Variants in WDFY3 observed in about 807,000 individuals in gnomAD.
The protein encoded by WDFY3 is WD repeat and FYVE domain-containing protein 3.
A neutral mutation model predicts 409.6 loss-of-function variants in WDFY3; 66 were observed. The ratio of observed to expected loss-of-function variants is 0.16; its 90% CI spans 0.13 to 0.20. The LOEUF is 0.20. Ranked by LOEUF, WDFY3 falls within the 10% of genes least tolerant of loss-of-function variation. WDFY3 has a pLI of 1.00. For missense variants in WDFY3, 3,031 were observed against 4,298.1 expected (o/e 0.71, Z 8.24); for synonymous variants, 1,521 against 1,537.1 (o/e 0.99, Z 0.25).
In WDFY3 at chr4:84,827,549, A is replaced by C. The variant is rs539732260; in HGVS notation, c.957-568T>G. ...TGGCATAATGCAAAAAGCACTAATA[A>C]ATAAAATCTTGTCTACAAGATTTGG... is the stretch of plus-strand genomic sequence containing the variant. On this transcript the variant is annotated intron_variant, in intron 9 of 67. Coordinates refer to ENST00000295888, the MANE Select transcript of WDFY3 (RefSeq NM_014991.6). Among the ~76,000 whole-genome samples the C allele has an allele frequency of 3.3e-5, 5 of 152,306 alleles. No homozygotes were observed. The South Asian group carries it at 1.0e-3, about 32-fold the overall frequency.
At chr4:84,869,428 C>T (rs1761876962) in intron 3 of WDFY3, among the ~76,000 whole-genome samples, 1 of 152,170 alleles carries the variant, frequency 6.6e-6, no homozygotes, top group Non-Finnish European at 1.5e-5. Flanking sequence ...AACCCAGCCA[C>T]ATCATTTCTT....
intron 1 of WDFY3, among the ~76,000 whole-genome samples, chr4:84,937,978 T>G (rs1002956402): frequency 1.3e-5 from 2 of 152,184 alleles, no homozygotes; most frequent in African/African-American, 4.8e-5. Flanking sequence ...AATTTATAAA[T>G]TAGGCATAGT....
chr4:84,755,454 C>T, intron 33 of WDFY3, 54 bp from the exon 34 acceptor site: 1 of 1,561,440 alleles, frequency 6.4e-7, no homozygotes, highest in Non-Finnish European at 8.6e-7. Context: ...TCAGTAGAGA[C>T]CCTCATAAGT....
intron 2 of WDFY3, among the ~76,000 whole-genome samples, chr4:84,906,941 G>C (rs1767122852): frequency 6.6e-6 from 1 of 151,946 alleles, no homozygotes; most frequent in African/African-American, 2.4e-5. Flanking sequence ...TAAATCCTAT[G>C]TAAATTTTTG....
intron 4 of WDFY3, among the ~76,000 whole-genome samples, chr4:84,850,368 G>C (rs1469943876): frequency 6.6e-6 from 1 of 152,066 alleles, no homozygotes; most frequent in African/African-American, 2.4e-5. Flanking sequence ...GCCTAGGCTG[G>C]AGTGTAGTGG....
At chr4:84,962,675 CTTTT>C (rs373118403) in intron 1 of WDFY3, among the ~76,000 whole-genome samples, 1 of 136,212 alleles carries the variant, frequency 7.3e-6, no homozygotes, top group Admixed American at 7.4e-5. Flanking sequence ...GGAGCCATTT[CTTTT>C]TTTTTTTTTT....
intron 26 of WDFY3, among the ~76,000 whole-genome samples, chr4:84,778,988 G>C (rs1411111386): frequency 6.6e-6 from 1 of 151,918 alleles, no homozygotes; most frequent in African/African-American, 2.4e-5. Flanking sequence ...AAACATCACA[G>C]CAAGAATATA....
rs1335845128 is a variant in WDFY3, at chr4:84,789,407, G to A, written c.3669+319C>T. Among the ~76,000 whole-genome samples, 5 of 152,068 alleles carry A rather than the reference G, an allele frequency of 3.3e-5. 1 individual carries two copies. Among genetic ancestry groups the A allele is most frequent in the Admixed American group, 1.3e-4 (2 of 15,272 alleles). ...GAAGTGGCAAAATAGTGTGTTCACC[G>A]TTATTTATGAATCCTTCAACTGGTT... On this transcript the variant is annotated intron_variant, in intron 22 of 67. Transcript: ENST00000295888.
chr4:84,736,731 T>G (rs1364735060), intron 41 of WDFY3, among the ~76,000 whole-genome samples: 2 of 152,176 alleles, frequency 1.3e-5, no homozygotes, highest in East Asian at 3.8e-4. Flanking sequence ...TCTATGGTAA[T>G]AAGCTATAAT....
intron 47 of WDFY3, 123 bp from the exon 48 acceptor site, chr4:84,718,693 T>G: frequency 8.3e-7 from 1 of 1,197,852 alleles, no homozygotes. Flanking sequence ...ATTGAGAAGA[T>G]TAAGCTTAGA....
intron 15 of WDFY3, among the ~76,000 whole-genome samples, chr4:84,806,762 T>C (rs940486344): frequency 1.3e-5 from 2 of 151,946 alleles, no homozygotes; most frequent in Non-Finnish European, 2.9e-5. Context: ...CACGCTGCCA[T>C]GCCCGGCCAA....
At chr4:84,752,525 C>T (rs1378897442) in intron 35 of WDFY3, among the ~76,000 whole-genome samples, 12 of 145,936 alleles carry the variant, frequency 8.2e-5, no homozygotes, top group African/African-American at 2.8e-4. Context: ...AGCGAAACCC[C>T]GTCTCAAAAA....
chr4:84,708,683 G>A (rs1475380100), intron 53 of WDFY3, among the ~76,000 whole-genome samples: 2 of 151,918 alleles, frequency 1.3e-5, no homozygotes, highest in African/African-American at 4.8e-5. Flanking sequence ...TGGGACATCT[G>A]GGGTCTGGCA....
chr4:84,669,681 A>C lies in WDFY3; in HGVS notation c.*3187T>G, dbSNP rs1218152561. Reference sequence around the variant, plus strand: ...AGAGACAAATATACAATGAACATTCAGATATCACAGACTGCACACTAGATA... The same window carrying C: ...AGAGACAAATATACAATGAACATTCCGATATCACAGACTGCACACTAGATA... On this transcript the variant is annotated 3_prime_UTR_variant, in exon 68 of 68. Transcript: ENST00000295888. 1 of 147,982 alleles carries C rather than the reference A, an allele frequency of 6.8e-6. No individual in the cohort carries two copies. The allele number at this position is 147,982 out of a possible 1,614,324, so 9.2% of individuals were successfully genotyped here.
At chr4:84,875,051 T>C (rs1366539152) in intron 3 of WDFY3, among the ~76,000 whole-genome samples, 1 of 151,886 alleles carries the variant, frequency 6.6e-6, no homozygotes, top group African/African-American at 2.4e-5. Flanking sequence ...GGGCAGATCA[T>C]GAGGTCAGGA....
intron 1 of WDFY3, among the ~76,000 whole-genome samples, chr4:84,963,044 A>G (rs1775113867): frequency 6.6e-6 from 1 of 151,484 alleles, no homozygotes; most frequent in South Asian, 2.1e-4. Context: ...TGGATTTATC[A>G]GTGTAAATAT....
At chr4:84,736,102 G>C in intron 42 of WDFY3, 68 bp downstream of exon 42, 1 of 1,452,702 alleles carries the variant, frequency 6.9e-7, no homozygotes, top group South Asian at 1.6e-5. Context: ...CCAATCAATT[G>C]CTTGTACATG....
At chr4:84,932,206 G>A (rs1378845041) in intron 2 of WDFY3, 64 bp downstream of exon 2, 1 of 152,074 alleles carries the variant, frequency 6.6e-6, no homozygotes, top group Non-Finnish European at 1.5e-5. Flanking sequence ...CAATAACGCA[G>A]CAAAGACAAT....
intron 6 of WDFY3, among the ~76,000 whole-genome samples, chr4:84,837,618 G>A (rs1013847881): frequency 2.6e-5 from 4 of 152,084 alleles, no homozygotes; most frequent in Non-Finnish European, 4.4e-5. Context: ...GAGTGATAAA[G>A]CCATCACTGA....
Sources: allele counts gnomAD v4.1 joint callset (sites outside exome capture counted in the v4.1 genomes callset), GRCh38; gene constraint gnomAD v4.1.1; transcripts MANE v1.5; gene names NCBI Gene and HGNC (gene_info 2026-07-23, HGNC 2026-07-21).